CHL1: variants seen among roughly 807,000 people sequenced by gnomAD.
The protein encoded by CHL1 is neural cell adhesion molecule L1-like protein.
CHL1 carries 96 observed loss-of-function variants against 141.9 expected under a neutral mutation model. The observed-to-expected ratio is 0.68, with a 90% CI of 0.57 to 0.80. The LOEUF is 0.80. CHL1 is among the 30% of genes least tolerant of loss of function. The pLI, the probability that CHL1 is intolerant of heterozygous loss-of-function variation, is 0.00. For synonymous variants in CHL1, 613 were observed against 502.2 expected (o/e 1.22, Z -2.95); for missense variants, 1,820 against 1,457.2 (o/e 1.25, Z -4.05).
intron 2 of CHL1, among the ~76,000 whole-genome samples, chr3:284,117 T>C (rs1178908268): frequency 6.6e-6 from 1 of 150,834 alleles, no homozygotes; most frequent in East Asian, 1.9e-4. Context: ...CTGATGGGGC[T>C]TACAGACTTT....
At chr3:239,893 G>T (rs1268355906) in intron 1 of CHL1, among the ~76,000 whole-genome samples, 1 of 152,086 alleles carries the variant, frequency 6.6e-6, no homozygotes, top group Non-Finnish European at 1.5e-5. Context: ...ATCGTCTCCA[G>T]CTCCATCCAG....
At chr3:317,328 G>A (rs1275040903) in intron 2 of CHL1, among the ~76,000 whole-genome samples, 2 of 151,950 alleles carry the variant, frequency 1.3e-5, no homozygotes, top group Admixed American at 6.6e-5. Context: ...TTAGAGACCA[G>A]TGAACTTACT....
chr3:221,254 A>G (rs527772424), intron 1 of CHL1, among the ~76,000 whole-genome samples: 12 of 152,350 alleles, frequency 7.9e-5, no homozygotes, highest in African/African-American at 2.9e-4. Context: ...GTCATGGGCC[A>G]TGGTCACTCG....
intron 2 of CHL1, among the ~76,000 whole-genome samples, chr3:277,858 G>T (rs73100347): frequency 0.014 from 2,162 of 152,236 alleles, 44 homozygotes; most frequent in African/African-American, 0.049. Context: ...CAAATATTTT[G>T]CTTTGCTCTT....
chr3:400,838 T>A (rs1709066606), intron 26 of CHL1, among the ~76,000 whole-genome samples: 1 of 150,432 alleles, frequency 6.6e-6, no homozygotes. Context: ...AGTGGAGACC[T>A]GAATATTCAG....
intron 1 of CHL1, among the ~76,000 whole-genome samples, chr3:215,614 A>G (rs1700252126): frequency 6.6e-6 from 1 of 152,208 alleles, no homozygotes; most frequent in African/African-American, 2.4e-5. Flanking sequence ...GCCAATGTAC[A>G]CATGTATCCA....
chr3:222,304 A>G (rs1293437630), intron 1 of CHL1, among the ~76,000 whole-genome samples: 14 of 152,030 alleles, frequency 9.2e-5, no homozygotes, highest in Non-Finnish European at 1.3e-4. Context: ...GGCCACTTGC[A>G]CTCTAGCTCA....
At chr3:276,698 G>C (rs1696145074) in intron 2 of CHL1, among the ~76,000 whole-genome samples, 1 of 151,824 alleles carries the variant, frequency 6.6e-6, no homozygotes, top group Non-Finnish European at 1.5e-5. Context: ...GACCGTCCTG[G>C]CTAACAGGGT....
intron 5 of CHL1, among the ~76,000 whole-genome samples, chr3:329,632 A>G (rs1701287546): frequency 6.6e-6 from 1 of 152,002 alleles, no homozygotes; most frequent in East Asian, 1.9e-4. Context: ...AATAAATTCA[A>G]ATATATCACA....
chr3:402,372 T>C (rs1709214467), intron 27 of CHL1, among the ~76,000 whole-genome samples: 1 of 152,196 alleles, frequency 6.6e-6, no homozygotes, highest in Non-Finnish European at 1.5e-5. Context: ...TAGGAATCTT[T>C]CGGGGACGTG....
chr3:393,120 C>A (rs1339544701), intron 23 of CHL1, among the ~76,000 whole-genome samples: 1 of 150,590 alleles, frequency 6.6e-6, no homozygotes, highest in Non-Finnish European at 1.5e-5. Flanking sequence ...GTAGTCCCAG[C>A]TACTCGGGCG....
intron 2 of CHL1, among the ~76,000 whole-genome samples, chr3:263,740 T>C (rs1694927438): frequency 6.6e-6 from 1 of 152,250 alleles, no homozygotes; most frequent in South Asian, 2.1e-4. Flanking sequence ...TTTAGATTTT[T>C]ATAGCTCTTC....
intron 3 of CHL1, among the ~76,000 whole-genome samples, chr3:323,251 C>A (rs1700738796): frequency 6.6e-6 from 1 of 151,994 alleles, no homozygotes; most frequent in Admixed American, 6.6e-5. Context: ...TGTGAGTGTT[C>A]AAGAAAACAT....
At chr3:357,340 T>A (rs1473955005) in intron 11 of CHL1, among the ~76,000 whole-genome samples, 1 of 152,358 alleles carries the variant, frequency 6.6e-6, no homozygotes, top group Middle Eastern at 3.4e-3. Context: ...CCTTTCCCCA[T>A]GTTATTTCAA....
intron 9 of CHL1, among the ~76,000 whole-genome samples, chr3:347,105 G>GTTT (rs1472664318): frequency 1.3e-5 from 2 of 151,948 alleles, no homozygotes; most frequent in Non-Finnish European, 2.9e-5. Flanking sequence ...GAACAAATGT[G>GTTT]TTTTGAGGGA....
intron 2 of CHL1, among the ~76,000 whole-genome samples, chr3:294,350 C>T (rs1041608104): frequency 6.6e-5 from 10 of 152,128 alleles, no homozygotes; most frequent in African/African-American, 1.7e-4. Context: ...TACCTACATA[C>T]GTACTAGAAT....
At chr3:254,767 A>G (rs1400524222) in intron 2 of CHL1, among the ~76,000 whole-genome samples, 6 of 152,108 alleles carry the variant, frequency 3.9e-5, no homozygotes, top group Admixed American at 3.3e-4. Context: ...GTGGAAAGGC[A>G]AGCTAGCTAA....
At chr3:274,354 T>G (rs1485803940) in intron 2 of CHL1, among the ~76,000 whole-genome samples, 2 of 152,210 alleles carry the variant, frequency 1.3e-5, no homozygotes, top group Non-Finnish European at 2.9e-5. Context: ...CAGGTAATAT[T>G]CAGAAATCTT....
intron 15 of CHL1, among the ~76,000 whole-genome samples, chr3:369,345 G>C (rs555570813): frequency 6.6e-6 from 1 of 151,510 alleles, no homozygotes; most frequent in Admixed American, 6.6e-5. Context: ...CTAGGTATTT[G>C]ATTCTCTTTG....
Sources: allele counts gnomAD v4.1 joint callset (sites outside exome capture counted in the v4.1 genomes callset), GRCh38; gene constraint gnomAD v4.1.1; transcripts MANE v1.5; gene names NCBI Gene and HGNC (gene_info 2026-07-23, HGNC 2026-07-21).